The following SDCCAG8 variants were observed in gnomAD, a reference collection of about 807,000 sequenced individuals.
SDCCAG8 encodes the protein SHH signaling and ciliogenesis regulator SDCCAG8, also known as serologically defined colon cancer antigen 8.
SDCCAG8 carries 74 observed loss-of-function variants against 101.8 expected under a neutral mutation model. That is an observed-to-expected ratio of 0.73 (90% CI 0.60 to 0.88). The LOEUF is 0.88. Among genes scored for constraint, SDCCAG8 ranks in the 40% least tolerant of loss-of-function variants. SDCCAG8 has a pLI of 0.00. For missense variants in SDCCAG8, 787 were observed against 822.6 expected (o/e 0.96, Z 0.53); for synonymous variants, 281 against 292.9 (o/e 0.96, Z 0.41).
intron 16 of SDCCAG8, among the ~76,000 whole-genome samples, chr1:243,480,236 C>G (rs547131632): frequency 1.7e-4 from 26 of 149,364 alleles, no homozygotes; most frequent in African/African-American, 6.4e-4. Flanking sequence ...GTGCAGGAAC[C>G]TGGATGTGAA....
intron 13 of SDCCAG8, among the ~76,000 whole-genome samples, chr1:243,411,760 ATTGTTCC>A (rs1485924279): frequency 1.3e-5 from 2 of 152,118 alleles, no homozygotes; most frequent in African/African-American, 2.4e-5. Flanking sequence ...TGTATGTGGC[ATTGTTCC>A]TTGTTATTTC....
chr1:243,436,102 G>C (rs1279099467), intron 16 of SDCCAG8, among the ~76,000 whole-genome samples: 2 of 151,650 alleles, frequency 1.3e-5, no homozygotes, highest in Admixed American at 1.3e-4. Flanking sequence ...CTGTGGTTTG[G>C]ACGAACACAT....
intron 16 of SDCCAG8, among the ~76,000 whole-genome samples, chr1:243,484,106 C>T (rs1664312683): frequency 6.6e-6 from 1 of 152,246 alleles, no homozygotes; most frequent in African/African-American, 2.4e-5. Context: ...CTCGCCCTGA[C>T]CCCAGAACGT....
intron 16 of SDCCAG8, among the ~76,000 whole-genome samples, chr1:243,459,963 C>G (rs774077042): frequency 1.3e-5 from 2 of 152,082 alleles, no homozygotes; most frequent in African/African-American, 2.4e-5. Context: ...CGTGGTAATT[C>G]CAAGCTGTTT....
chr1:243,436,137 C>T (rs1359913318), intron 16 of SDCCAG8, among the ~76,000 whole-genome samples: 1 of 150,886 alleles, frequency 6.6e-6, no homozygotes, highest in African/African-American at 2.4e-5. Flanking sequence ...ATTGAACATG[C>T]TCTGTATGAT....
chr1:243,279,370 A>G (rs749860140), intron 4 of SDCCAG8, among the ~76,000 whole-genome samples: 13 of 152,202 alleles, frequency 8.5e-5, no homozygotes, highest in Admixed American at 2.0e-4. Flanking sequence ...TGAATATACT[A>G]TAGATTATTG....
At position 243,491,125 on chromosome 1, in the gene SDCCAG8, G is replaced by A. The variant is rs750263007; in HGVS notation, c.2112+1985G>A. Among the ~76,000 whole-genome samples the A allele has an allele frequency of 3.3e-5, 5 of 152,234 alleles. No individual in the cohort carries two copies. The East Asian group carries it at 5.8e-4, about 18-fold the overall frequency. ...GGGCTCTGGACTAGATCAGGAGAAC[G>A]TGGGCTTTGCCTTTTAACTCCCCAT... On this transcript the variant is annotated intron_variant, in intron 17 of 17. Coordinates refer to ENST00000366541, the MANE Select transcript of SDCCAG8 (RefSeq NM_006642.5).
In SDCCAG8 at chr1:243,283,826, T is replaced by G. The variant is rs1256316836; in HGVS notation, c.421-2446T>G. Among the ~76,000 whole-genome samples, 251 of 152,242 alleles carry G rather than the reference T, an allele frequency of 1.6e-3. 2 individuals are homozygous for G. The highest frequency in any genetic ancestry group is 1.3e-4 in the Non-Finnish European group (9 of 68,014). On this transcript the variant is annotated intron_variant, in intron 4 of 17. Transcript: ENST00000366541. ...CGTGATCTTGGCTCACTGCAACCTC[T>G]GCCTCCTGGGTTCAAGTGATTCTCC... is the stretch of plus-strand genomic sequence containing the variant.
chr1:243,327,842 C>T (rs750338614), intron 9 of SDCCAG8, among the ~76,000 whole-genome samples: 1 of 152,176 alleles, frequency 6.6e-6, no homozygotes, highest in Middle Eastern at 3.4e-3. Context: ...TCACTGTGAC[C>T]GGACATATAC....
At chr1:243,268,199 A>G (rs993516797) in intron 1 of SDCCAG8, 6 of 513,162 alleles carry the variant, frequency 1.2e-5, no homozygotes, top group Non-Finnish European at 2.1e-5. Context: ...ATGTTAGTCA[A>G]ACTGTCTCGT....
At chr1:243,341,649 C>T (rs1342325212) in intron 11 of SDCCAG8, among the ~76,000 whole-genome samples, 1 of 152,098 alleles carries the variant, frequency 6.6e-6, no homozygotes, top group Non-Finnish European at 1.5e-5. Context: ...CAGACTTGGT[C>T]ATTAAAATAA....
chr1:243,493,771 T>G (rs1667146094), intron 17 of SDCCAG8, among the ~76,000 whole-genome samples: 1 of 151,878 alleles, frequency 6.6e-6, no homozygotes, highest in Non-Finnish European at 1.5e-5. Flanking sequence ...TTCAAGATCA[T>G]CGACATTATC....
At chr1:243,287,952 A>C (rs1179043438) in intron 5 of SDCCAG8, among the ~76,000 whole-genome samples, 1 of 152,210 alleles carries the variant, frequency 6.6e-6, no homozygotes, top group Non-Finnish European at 1.5e-5. Flanking sequence ...TGAGCAAAGA[A>C]AATGTGCTAA....
At position 243,412,334 on chromosome 1, in the gene SDCCAG8, C is replaced by A. The variant is rs79106595; in HGVS notation, c.1617-3368C>A. Among the ~76,000 whole-genome samples the A allele has an allele frequency of 4.6e-3, 706 of 152,124 alleles. 4 individuals carry two copies. The highest frequency in any genetic ancestry group is 0.034 in the Middle Eastern group (10 of 294). ...CCACACTGGAAGAAGAATTGTGGGC[C>A]ACACATAAAAGACATTAATATTAAT... On this transcript the variant is annotated intron_variant, in intron 13 of 17. Transcript: ENST00000366541.
intron 16 of SDCCAG8, among the ~76,000 whole-genome samples, chr1:243,484,520 C>G (rs1664383081): frequency 6.6e-6 from 1 of 152,212 alleles, no homozygotes; most frequent in African/African-American, 2.4e-5. Flanking sequence ...TAGTGCCCGA[C>G]ATAAAAGTGC....
At chr1:243,293,618 G>A in intron 6 of SDCCAG8, 1 of 373,200 alleles carries the variant, frequency 2.7e-6, no homozygotes, top group Non-Finnish European at 5.3e-6. Flanking sequence ...TGTAGCATGT[G>A]TCAAAATTTC....
At position 243,486,608 on chromosome 1, in the gene SDCCAG8, C is replaced by T. The variant is rs370285532; in HGVS notation, c.1986-2406C>T. On this transcript the variant is annotated intron_variant, in intron 16 of 17. Coordinates refer to ENST00000366541, the MANE Select transcript of SDCCAG8 (RefSeq NM_006642.5). ...CCGGCCCCATCGCTGAAGGTGGAGC[C>T]AGGGTGGCCGGCCGTGACCGGTGTT... Among the ~76,000 whole-genome samples the T allele has an allele frequency of 3.4e-3, 523 of 152,388 alleles. 4 individuals are homozygous for T. The highest frequency in any genetic ancestry group is 0.011 in the African/African-American group (471 of 41,596).
At chr1:243,307,342 C>G (rs1456722189) in intron 7 of SDCCAG8, 2 of 978,776 alleles carry the variant, frequency 2.0e-6, no homozygotes, top group African/African-American at 3.5e-5. Context: ...GCTACTACCC[C>G]TGAAATCTTA....
intron 8 of SDCCAG8, among the ~76,000 whole-genome samples, chr1:243,309,287 A>C (rs1047397043): frequency 9.9e-5 from 15 of 152,140 alleles, no homozygotes; most frequent in African/African-American, 3.6e-4. Context: ...TTGTGCCTCA[A>C]TTTTCTCATT....
Sources: gnomAD v4.1 joint callset for allele counts (sites outside exome capture counted in the v4.1 genomes callset) on GRCh38, gnomAD v4.1.1 for gene constraint, MANE v1.5 for transcripts, NCBI Gene and HGNC (gene_info 2026-07-23, HGNC 2026-07-21) for gene names.